The following COL18A1 variants were observed in gnomAD, a reference collection of about 807,000 sequenced individuals.
COL18A1 encodes the protein collagen alpha-1(XVIII) chain.
Under a neutral mutation model 168.0 loss-of-function variants are expected in COL18A1, and 133 were observed. That is an observed-to-expected ratio of 0.79 (90% CI 0.69 to 0.91). The LOEUF (loss-of-function observed/expected upper bound fraction) is 0.91, where lower values mean the gene tolerates loss of function less well. Among genes scored for constraint, COL18A1 ranks in the 40% least tolerant of loss-of-function variants. COL18A1 has a pLI of 0.00. For missense variants in COL18A1, 2,126 were observed against 1,925.4 expected, an observed-to-expected ratio of 1.10 and a Z score of -1.95; for synonymous variants, 949 against 809.0, an observed-to-expected ratio of 1.17 and a Z score of -2.94.
At chr21:45,485,162 T>TTC in intron 15 of COL18A1, among the ~76,000 whole-genome samples, 1 of 139,646 alleles carries the variant, frequency 7.2e-6, no homozygotes, top group East Asian at 2.0e-4. Context: ...TTTTTTTTTT[T>TTC]TTTTTTTTTT....
chr21:45,494,416 C>A, intron 26 of COL18A1, 129 bp from the exon 27 acceptor site: 2 of 1,367,522 alleles, frequency 1.5e-6, no homozygotes, highest in South Asian at 2.4e-5. Context: ...CCACAGCGGC[C>A]CTTAGGGAGG....
In COL18A1 at chr21:45,503,216, A is replaced by G. The variant is rs181988844; in HGVS notation, c.2684-795A>G. On this transcript the variant is annotated intron_variant, in intron 32 of 41. Coordinates refer to ENST00000651438, the MANE Select transcript of COL18A1 (RefSeq NM_001379500.1). ...TGTAAAAGTGTTCCTATTTCTCTAC[A>G]TCCTCTCCGGCACCTGTTGTTTCCT... 4.6e-3 allele frequency among the ~76,000 whole-genome samples: 707 copies of G among 152,242 alleles called. 5 individuals are homozygous for G. In the Middle Eastern group the frequency reaches 0.048, roughly 10 times the overall value.
At chr21:45,414,717 C>A (rs1382613529) in intron 2 of COL18A1, among the ~76,000 whole-genome samples, 1 of 152,222 alleles carries the variant, frequency 6.6e-6, no homozygotes, top group Non-Finnish European at 1.5e-5. Context: ...ACTAATGTCC[C>A]CGAACCTAAG....
intron 2 of COL18A1, among the ~76,000 whole-genome samples, chr21:45,406,145 C>T (rs1419518152): frequency 6.6e-6 from 1 of 152,220 alleles, no homozygotes; most frequent in Non-Finnish European, 1.5e-5. Flanking sequence ...CCCCGGGACC[C>T]AGTTCCCCAC....
Position 45,484,379 on chromosome 21 carries a change from CACAT to C in COL18A1, c.1701+1559_1701+1562del, listed in dbSNP as rs202088263. On this transcript the variant is annotated intron_variant, in intron 15 of 41. Coordinates refer to ENST00000651438, the MANE Select transcript of COL18A1 (RefSeq NM_001379500.1). ...GTGCGCACACACATACACGCACACACACATCTCCAGCATGTGTGTACACACACAC... is the reference window on the plus strand; with the variant it reads ...GTGCGCACACACATACACGCACACACCTCCAGCATGTGTGTACACACACAC... Among the ~76,000 whole-genome samples, 1,240 of 145,232 alleles carry C rather than the reference CACAT, an allele frequency of 8.5e-3. 32 individuals carry two copies. The highest frequency in any genetic ancestry group is 0.031 in the African/African-American group (1,161 of 37,862).
rs901052589 is a variant in COL18A1 at position 45,423,269 on chromosome 21, G to A, written c.106+17796G>A. Reference sequence around the variant, plus strand: ...GAGGGTTAGCTGGTCCAGTTCCCGCGTGTTGGCCGGTCTGGTCCCTGAGTG... The same window carrying A: ...GAGGGTTAGCTGGTCCAGTTCCCGCATGTTGGCCGGTCTGGTCCCTGAGTG... On this transcript the variant is annotated intron_variant, in intron 2 of 41. Coordinates refer to ENST00000651438, the MANE Select transcript of COL18A1 (RefSeq NM_001379500.1). The surrounding 1 kb of genome is among the most constrained non-coding windows in gnomAD (Gnocchi z 4.0). Among the ~76,000 whole-genome samples, 3 of 152,298 alleles carry A rather than the reference G, an allele frequency of 2.0e-5. No individual in the cohort carries two copies. The highest frequency in any genetic ancestry group is 2.1e-4 in the South Asian group (1 of 4,820).
At chr21:45,438,453 C>T (rs576744678) in intron 2 of COL18A1, among the ~76,000 whole-genome samples, 20 of 152,368 alleles carry the variant, frequency 1.3e-4, no homozygotes, top group African/African-American at 4.8e-4. Context: ...GAGCTCATCC[C>T]TGGGTGCCTG....
chr21:45,466,010 G>A (rs1256583722), intron 2 of COL18A1, among the ~76,000 whole-genome samples: 1 of 152,170 alleles, frequency 6.6e-6, no homozygotes. Flanking sequence ...CCTGGGAGGT[G>A]TCAGACAAAG....
Position 45,498,344 on chromosome 21 carries a change from A to AGGGTCCCCTCTCG in COL18A1, c.2683+683_2683+684insGGGTCCCCTCTCG, listed in dbSNP as rs2036614687. 1.8e-6 allele frequency: 1 copy of AGGGTCCCCTCTCG among 545,234 alleles called. No homozygotes were observed. Among genetic ancestry groups the AGGGTCCCCTCTCG allele is most frequent in the African/African-American group, 2.8e-5 (1 of 35,726 alleles). 33.8% of individuals were successfully genotyped at this position (545,234 alleles called of 1,614,324 possible). A position where few individuals can be genotyped will look rare whatever the true frequency, so the allele number is the denominator to read the frequency against. On this transcript the variant is annotated intron_variant, in intron 32 of 41. Transcript: ENST00000651438. The surrounding 1 kb of genome is among the most constrained non-coding windows in gnomAD (Gnocchi z 4.5). ...CCTCTCGCCGCCAGGGTCCCCTCTC[A>AGGGTCCCCTCTCG]CCGCCAGGGTTCCCTCTCGCCACCA...
intron 2 of COL18A1, chr21:45,455,778 C>A (rs948575157): frequency 1.2e-6 from 2 of 1,613,704 alleles, no homozygotes; most frequent in Non-Finnish European, 1.7e-6. Flanking sequence ...CCTGAGCCAC[C>A]CTCAGAGCTG....
intron 2 of COL18A1, among the ~76,000 whole-genome samples, chr21:45,437,320 G>A (rs1355742458): frequency 3.0e-5 from 2 of 67,002 alleles, no homozygotes; most frequent in South Asian, 4.9e-4. Flanking sequence ...GCACTCTCCT[G>A]CACACACACA....
chr21:45,511,825 C>G (rs983382193), intron 41 of COL18A1, among the ~76,000 whole-genome samples: 2 of 152,198 alleles, frequency 1.3e-5, no homozygotes, highest in South Asian at 4.1e-4. Flanking sequence ...GGCTGGGCCC[C>G]AGGGAAGGCC....
At position 45,411,575 on chromosome 21, in the gene COL18A1, C is replaced by T. The variant is rs532064771; in HGVS notation, c.106+6102C>T. 6.6e-5 allele frequency among the ~76,000 whole-genome samples: 10 copies of T among 152,218 alleles called. No homozygotes were observed. The South Asian group carries it at 8.3e-4, about 13-fold the overall frequency. The stretch of plus-strand genomic sequence containing the variant: ...GACGCCCACAGTCTGGAGGGCCCGG[C>T]GCTGTGAACGAGCAGTCACAGGGAA... On this transcript the variant is annotated intron_variant, in intron 2 of 41. Transcript: ENST00000651438.
chr21:45,406,571 T>C (rs1286208805), intron 2 of COL18A1, among the ~76,000 whole-genome samples: 1 of 152,152 alleles, frequency 6.6e-6, no homozygotes, highest in Admixed American at 6.5e-5. Flanking sequence ...GGAGAGCGGC[T>C]GTGAGCTCAC....
At position 45,496,530 on chromosome 21, in the gene COL18A1, C is replaced by T. The variant is rs777349625; in HGVS notation, c.2539C>T (p.Pro847Ser). ...GMPGPPGPPG[P>S]PGPPGTPVYD... is the part of the protein sequence containing the mutation. ...GCCCGGCCCCCCAGGACCTCCAGGGCCCCCAGGCCCTCCAGGGACTCCTGT... is the reference window on the plus strand; with the variant it reads ...GCCCGGCCCCCCAGGACCTCCAGGGTCCCCAGGCCCTCCAGGGACTCCTGT... Residue 847 changes from proline (P) to serine (S), a missense_variant, in exon 30 of 42, where the codon CCC becomes TCC. Coordinates refer to ENST00000651438, the MANE Select transcript of COL18A1 (RefSeq NM_001379500.1). 5.9e-6 allele frequency: 9 copies of T among 1,523,562 alleles called. No individual in the cohort carries two copies. The Admixed American group carries it at 8.3e-5, about 14-fold the overall frequency. The allele number at this position is 1,523,562 out of a possible 1,614,324, so 94.4% of individuals were successfully genotyped here.
rs2146119824 is a variant in COL18A1, at chr21:45,509,408, A to AC, written c.3306dup (p.Tyr1103LeufsTer18). On this transcript the variant is annotated frameshift_variant, in exon 39 of 42. Coordinates refer to ENST00000651438, the MANE Select transcript of COL18A1 (RefSeq NM_001379500.1). LOFTEE classifies it high-confidence loss of function. ...CCCGTGGTGCAGCTGCACGACAGCA[A>AC]CCCCTACCCGCGGCGGGAGCACCCC... 1 of 1,541,482 alleles carries AC rather than the reference A, an allele frequency of 6.5e-7. No individual in the cohort carries two copies. Among genetic ancestry groups the AC allele is most frequent in the African/African-American group, 1.4e-5 (1 of 72,910 alleles).
In COL18A1 at chr21:45,509,442, C is replaced by T. The variant is rs781100621; in HGVS notation, c.3336C>T (p.Thr1112=). The T allele has an allele frequency of 2.9e-5, 45 of 1,534,156 alleles. No homozygotes were observed. Among genetic ancestry groups the T allele is most frequent in the African/African-American group, 8.2e-5 (6 of 72,806 alleles). Residue 1112 remains threonine, a synonymous_variant, in exon 39 of 42, where the codon ACC becomes ACT. Coordinates refer to ENST00000651438, the MANE Select transcript of COL18A1 (RefSeq NM_001379500.1). ...PYPRREHPHP[T]ARPWRADDIL... The stretch of plus-strand genomic sequence containing the variant: ...CGCGGCGGGAGCACCCCCACCCCAC[C>T]GCGCGGCCCTGGCGGGCAGATGACA...
In COL18A1 at chr21:45,405,298, CG is replaced by C. The variant is rs1602316760; in HGVS notation, c.11+58del. 3.4e-4 allele frequency: 175 copies of C among 521,890 alleles called. 7 individuals are homozygous for C. The East Asian group carries it at 9.8e-3, about 29-fold the overall frequency. The allele number at this position is 521,890 out of a possible 1,614,324, so 32.3% of individuals were successfully genotyped here. A position where few individuals can be genotyped will look rare whatever the true frequency, so the allele number is the denominator to read the frequency against. On this transcript the variant is annotated intron_variant, in intron 1 of 41. Coordinates refer to ENST00000651438, the MANE Select transcript of COL18A1 (RefSeq NM_001379500.1). Reference sequence around the variant, plus strand: ...GACGCCAAGATGCGGCTGCGGGGGTCGCGGGGGTCGCGGGGCTCGGCCGGGT... The same window carrying C: ...GACGCCAAGATGCGGCTGCGGGGGTCCGGGGGTCGCGGGGCTCGGCCGGGT...
chr21:45,510,049 C>A lies in COL18A1; in HGVS notation c.3496-15C>A. 2.6e-6 allele frequency: 4 copies of A among 1,547,444 alleles called. No individual in the cohort carries two copies. Among genetic ancestry groups the A allele is most frequent in the Non-Finnish European group, 2.6e-6 (3 of 1,152,158 alleles). ...AGCGTGGGACACAGCCCGTGACGCG[C>A]CCCTCTCCCCGCAGCTCCACCTGGT... On this transcript the variant is annotated splice_polypyrimidine_tract_variant and intron_variant, in intron 39 of 41. Transcript: ENST00000651438.
Sources: allele counts gnomAD v4.1 joint callset (sites outside exome capture counted in the v4.1 genomes callset), GRCh38; gene constraint gnomAD v4.1.1; non-coding constraint Gnocchi (gnomAD v3.1); transcripts MANE v1.5; gene names NCBI Gene and HGNC (gene_info 2026-07-23, HGNC 2026-07-21).